The following THEMIS variants were observed in gnomAD, a reference collection of about 807,000 sequenced individuals.
THEMIS encodes the protein thymocyte selection associated, also known as protein THEMIS.
A neutral mutation model predicts 52.6 loss-of-function variants in THEMIS; 37 were observed. That is an observed-to-expected ratio of 0.70 (90% CI 0.54 to 0.93). The LOEUF is 0.93. THEMIS is among the 40% of genes least tolerant of loss of function. The probability of loss-of-function intolerance (pLI) is 0.00; values close to 1 mark genes in which losing one functional copy is unlikely to be tolerated. For synonymous variants in THEMIS, 292 were observed against 272.7 expected, an observed-to-expected ratio of 1.07 and a Z score of -0.70; for missense variants, 808 against 763.1, an observed-to-expected ratio of 1.06 and a Z score of -0.69.
chr6:127,829,596 T>A lies in THEMIS; in HGVS notation c.589A>T (p.Thr197Ser). 4 of 1,614,122 alleles carry A rather than the reference T, an allele frequency of 2.5e-6. No homozygotes were observed. The change falls in exon 3 of 6, where the codon ACA (threonine) becomes TCA (serine). Residue 197 changes from threonine to serine, a missense_variant. Transcript: ENST00000368248. ...IVEWKIPKNR[T>S]RTVNLTDFSN... ...AAATCTGTAAGGTTTACAGTTCTTGTTCTGTTCTTAGGAATCTTCCATTCA... is the reference window on the plus strand; with the variant it reads ...AAATCTGTAAGGTTTACAGTTCTTGATCTGTTCTTAGGAATCTTCCATTCA...
chr6:127,846,266 G>C (rs1468002712), intron 2 of THEMIS, among the ~76,000 whole-genome samples: 1 of 151,868 alleles, frequency 6.6e-6, no homozygotes, highest in Non-Finnish European at 1.5e-5. Flanking sequence ...TTATACAATT[G>C]CCACATTATA....
intron 4 of THEMIS, among the ~76,000 whole-genome samples, chr6:127,751,049 G>T (rs1242200172): frequency 6.6e-6 from 1 of 151,468 alleles, no homozygotes; most frequent in African/African-American, 2.4e-5. Context: ...TAAAGGTAAG[G>T]GTATAGTCAA....
chr6:127,876,071 T>C (rs540634965), intron 1 of THEMIS, among the ~76,000 whole-genome samples: 1 of 152,308 alleles, frequency 6.6e-6, no homozygotes, highest in African/African-American at 2.4e-5. Flanking sequence ...AATTCAGTGA[T>C]TGGAGAAAAC....
upstream of THEMIS, chr6:127,901,147 T>C (rs1328007414): frequency 1.7e-6 from 1 of 577,760 alleles, no homozygotes; most frequent in Non-Finnish European, 3.1e-6. Flanking sequence ...TAGCTCTTTT[T>C]GTTCACATTG....
chr6:127,828,526 T>C (rs1778584499), intron 3 of THEMIS, among the ~76,000 whole-genome samples: 2 of 152,170 alleles, frequency 1.3e-5, no homozygotes. Context: ...GACTCCAAGT[T>C]CAGAACTCTT....
intron 2 of THEMIS, among the ~76,000 whole-genome samples, chr6:127,842,880 C>A (rs1357355583): frequency 1.3e-5 from 2 of 151,874 alleles, no homozygotes; most frequent in Non-Finnish European, 2.9e-5. Context: ...ACCTCTGAGA[C>A]ATGAAGTTTA....
intron 4 of THEMIS, among the ~76,000 whole-genome samples, chr6:127,778,362 A>G (rs979839282): frequency 6.6e-6 from 1 of 152,132 alleles, no homozygotes; most frequent in Non-Finnish European, 1.5e-5. Flanking sequence ...TAATCAACGA[A>G]CATCTGTTTC....
At chr6:127,785,884 C>A (rs1430741227) in intron 4 of THEMIS, among the ~76,000 whole-genome samples, 2 of 151,952 alleles carry the variant, frequency 1.3e-5, no homozygotes, top group Non-Finnish European at 2.9e-5. Flanking sequence ...ATTGTAATTA[C>A]ATATTATACC....
chr6:127,727,238 C>T (rs1177485268), intron 4 of THEMIS, among the ~76,000 whole-genome samples: 1 of 152,096 alleles, frequency 6.6e-6, no homozygotes, highest in Non-Finnish European at 1.5e-5. Flanking sequence ...ACTTTCATAG[C>T]TCCTATTTTA....
chr6:127,698,512 C>G, the THEMIS span, among the ~76,000 whole-genome samples: 1 of 152,120 alleles, frequency 6.6e-6, no homozygotes, highest in East Asian at 1.9e-4. Flanking sequence ...TTACACAAGT[C>G]TATAAGGAAG....
intron 4 of THEMIS, among the ~76,000 whole-genome samples, chr6:127,738,326 A>G (rs1373656095): frequency 1.3e-5 from 2 of 152,158 alleles, no homozygotes; most frequent in African/African-American, 4.8e-5. Context: ...TCATGCATAG[A>G]AAAGGAATAT....
At chr6:127,844,796 A>G (rs1779161574) in intron 2 of THEMIS, among the ~76,000 whole-genome samples, 1 of 151,874 alleles carries the variant, frequency 6.6e-6, no homozygotes, top group South Asian at 2.1e-4. Flanking sequence ...GTAATCAACT[A>G]CCGAATAGGA....
chr6:127,828,096 A>G (rs6922159), intron 3 of THEMIS, among the ~76,000 whole-genome samples: 99,811 of 151,984 alleles, frequency 0.66, 33,759 homozygotes, highest in East Asian at 0.98. Context: ...TGAGCCTTCC[A>G]TTTAAATGCC....
chr6:127,721,098 G>A (rs1041940485), intron 4 of THEMIS, among the ~76,000 whole-genome samples: 1 of 151,970 alleles, frequency 6.6e-6, no homozygotes, highest in Non-Finnish European at 1.5e-5. Context: ...TATGCCATGA[G>A]GCTATGCCTA....
chr6:127,866,278 G>A (rs1210901902), intron 1 of THEMIS, among the ~76,000 whole-genome samples: 1 of 151,882 alleles, frequency 6.6e-6, no homozygotes, highest in African/African-American at 2.4e-5. Flanking sequence ...CATTTATAAA[G>A]TGCACTATTC....
chr6:127,712,236 A>T (rs1038646778), intron 5 of THEMIS, among the ~76,000 whole-genome samples: 1 of 151,758 alleles, frequency 6.6e-6, no homozygotes, highest in Non-Finnish European at 1.5e-5. Context: ...ATTTCCAAAT[A>T]AAAAACTGGG....
At chr6:127,795,304 C>A (rs112467487) in intron 4 of THEMIS, among the ~76,000 whole-genome samples, 27 of 152,184 alleles carry the variant, frequency 1.8e-4, no homozygotes, top group African/African-American at 5.1e-4. Flanking sequence ...TAATTGCAAT[C>A]AAAAATCTCA....
At chr6:127,878,211 A>G (rs74516563) in intron 1 of THEMIS, among the ~76,000 whole-genome samples, 1,909 of 152,296 alleles carry the variant, frequency 0.013, 41 homozygotes, top group African/African-American at 0.044. Context: ...GCAAAGTGGT[A>G]TAAGAATCTT....
At chr6:127,874,304 T>A (rs1583382147) in intron 1 of THEMIS, among the ~76,000 whole-genome samples, 2 of 152,340 alleles carry the variant, frequency 1.3e-5, no homozygotes, top group East Asian at 3.9e-4. Context: ...TATGTAGTTG[T>A]GATTTAACAC....
Sources: allele counts gnomAD v4.1 joint callset (sites outside exome capture counted in the v4.1 genomes callset), GRCh38; gene constraint gnomAD v4.1.1; transcripts MANE v1.5; gene names NCBI Gene and HGNC (gene_info 2026-07-23, HGNC 2026-07-21).